ATRN: variants seen among roughly 807,000 people sequenced by gnomAD.
ATRN encodes the protein attractin-2.
ATRN carries 54 observed loss-of-function variants against 178.7 expected under a neutral mutation model. The observed-to-expected ratio is 0.30, with a 90% CI of 0.24 to 0.38. ATRN has a LOEUF of 0.38. Ranked by LOEUF, ATRN falls within the 10% of genes least tolerant of loss-of-function variation. The pLI, the probability that ATRN is intolerant of heterozygous loss-of-function variation, is 1.00. For missense variants in ATRN, 1,443 were observed against 1,815.1 expected (o/e 0.79, Z 3.73); for synonymous variants, 636 against 663.0 (o/e 0.96, Z 0.63).
At chr20:3,520,007 A>G (rs938428184) in intron 1 of ATRN, among the ~76,000 whole-genome samples, 8 of 152,250 alleles carry the variant, frequency 5.3e-5, no homozygotes, top group African/African-American at 1.9e-4. Context: ...TAAATGAAGC[A>G]GAACAGAGAC....
intron 21 of ATRN, among the ~76,000 whole-genome samples, chr20:3,597,130 G>A (rs982821881): frequency 6.8e-6 from 1 of 146,650 alleles, no homozygotes; most frequent in Admixed American, 6.9e-5. Flanking sequence ...GGGAAAAGTT[G>A]TTAGATAGGA....
chr20:3,522,946 G>A (rs1489986205), intron 1 of ATRN, among the ~76,000 whole-genome samples: 4 of 151,986 alleles, frequency 2.6e-5, no homozygotes, highest in African/African-American at 4.8e-5. Context: ...ATAAATCCAC[G>A]AAGATAAAGA....
intron 1 of ATRN, among the ~76,000 whole-genome samples, chr20:3,526,209 A>G (rs1279192508): frequency 6.6e-6 from 1 of 152,224 alleles, no homozygotes; most frequent in Non-Finnish European, 1.5e-5. Flanking sequence ...AAGTCTCAGG[A>G]TACAAAATCA....
intron 15 of ATRN, among the ~76,000 whole-genome samples, chr20:3,580,633 T>C (rs554702266): frequency 9.8e-5 from 15 of 152,296 alleles, no homozygotes; most frequent in Non-Finnish European, 1.9e-4. Context: ...AAGGGCTTTC[T>C]GTGATTTAAT....
chr20:3,606,427 TTC>T (rs1355772881), intron 24 of ATRN, among the ~76,000 whole-genome samples: 1 of 45,766 alleles, frequency 2.2e-5, no homozygotes, highest in Non-Finnish European at 4.1e-5. Flanking sequence ...CCTGGTCCTT[TTC>T]TCTCTTCACT....
intron 22 of ATRN, among the ~76,000 whole-genome samples, chr20:3,599,831 G>C (rs1452346344): frequency 6.6e-6 from 1 of 152,210 alleles, no homozygotes; most frequent in Admixed American, 6.5e-5. Flanking sequence ...CACTTGAGCT[G>C]TCCTTTCAAG....
chr20:3,624,624 C>T (rs1454549398), intron 25 of ATRN, 52 bp downstream of exon 25: 1 of 1,362,812 alleles, frequency 7.3e-7, no homozygotes, highest in Non-Finnish European at 1.0e-6. Context: ...GGCACTAGAT[C>T]CATTAATAGA....
rs238734 is a variant in ATRN at position 3,477,499 on chromosome 20, T to C, written c.410+5982T>C. 4.9e-3 allele frequency among the ~76,000 whole-genome samples: 23 copies of C among 4,658 alleles called. 1 individual carries two copies. Among genetic ancestry groups the C allele is most frequent in the African/African-American group, 0.02 (11 of 550 alleles). 3.1% of individuals were successfully genotyped at this position (4,658 alleles called of 152,430 possible). A position where few individuals can be genotyped will look rare whatever the true frequency, so the allele number is the denominator to read the frequency against. The stretch of plus-strand genomic sequence containing the variant: ...TGTAAGTTCCATGAGGGCAGGGGCC[T>C]GGAGCATAGTTCACAAGTCCAGTTT... On this transcript the variant is annotated intron_variant, in intron 1 of 28. Transcript: ENST00000262919.
chr20:3,621,482 T>C lies in ATRN; in HGVS notation c.3802-3029T>C, dbSNP rs185602022. ...ATGGGGCAGATACACCTTAGACATA[T>C]TGATGAAAGTGGAGTTGGAATTGGG... is the stretch of plus-strand genomic sequence containing the variant. On this transcript the variant is annotated intron_variant, in intron 24 of 28. Transcript: ENST00000262919. 3.8e-3 allele frequency among the ~76,000 whole-genome samples: 580 copies of C among 152,242 alleles called. 3 individuals are homozygous for C. Among genetic ancestry groups the C allele is most frequent in the African/African-American group, 0.013 (541 of 41,524 alleles).
intron 24 of ATRN, among the ~76,000 whole-genome samples, chr20:3,605,133 G>C (rs2086660977): frequency 6.6e-6 from 1 of 152,092 alleles, no homozygotes; most frequent in African/African-American, 2.4e-5. Context: ...TCAGAAGCAA[G>C]TCACCACAAA....
intron 24 of ATRN, among the ~76,000 whole-genome samples, chr20:3,604,878 C>T (rs928540024): frequency 9.2e-5 from 14 of 152,178 alleles, no homozygotes; most frequent in African/African-American, 3.4e-4. Context: ...CTGCTCCTTT[C>T]CTCTGTTCCC....
In ATRN at chr20:3,598,080, C is replaced by T. The variant is rs1220619930; in HGVS notation, c.3564+80C>T. The T allele has an allele frequency of 5.6e-6, 5 of 900,054 alleles. No individual in the cohort carries two copies. In the African/African-American group the frequency reaches 8.2e-5, roughly 15 times the overall value. The allele number at this position is 900,054 out of a possible 1,614,324, so 55.8% of individuals were successfully genotyped here. On this transcript the variant is annotated intron_variant, in intron 22 of 28. Coordinates refer to ENST00000262919, the MANE Select transcript of ATRN (RefSeq NM_139321.3). ...TTGGTCATTACGGATGGACGTACTG[C>T]CTTAACAGTGCTCTCCAGACTGGAG...
chr20:3,510,455 T>G (rs558124953), intron 1 of ATRN, among the ~76,000 whole-genome samples: 1 of 152,398 alleles, frequency 6.6e-6, no homozygotes, highest in East Asian at 1.9e-4. Flanking sequence ...CAGGCCTGAT[T>G]TGGCCTGGCA....
At chr20:3,612,170 A>G (rs937449584) in intron 24 of ATRN, among the ~76,000 whole-genome samples, 1 of 152,240 alleles carries the variant, frequency 6.6e-6, no homozygotes, top group African/African-American at 2.4e-5. Context: ...CCATGGCCTA[A>G]TACCCAGCAA....
At chr20:3,533,883 C>T (rs937507911) in intron 1 of ATRN, among the ~76,000 whole-genome samples, 26 of 152,160 alleles carry the variant, frequency 1.7e-4, no homozygotes, top group African/African-American at 6.0e-4. Flanking sequence ...ATCTTGAACT[C>T]ATGGCCTCAA....
intron 17 of ATRN, 21 bp downstream of exon 17, chr20:3,584,104 T>C: frequency 6.2e-7 from 1 of 1,610,556 alleles, no homozygotes; most frequent in South Asian, 1.1e-5. Context: ...AAGGGAGCCC[T>C]AGGCACTTAT....
intron 1 of ATRN, among the ~76,000 whole-genome samples, chr20:3,523,770 C>T (rs2085327313): frequency 1.3e-5 from 2 of 152,148 alleles, no homozygotes. Context: ...ATTCAACATT[C>T]TTAAAGAAAA....
At chr20:3,490,315 G>T (rs139674725) in intron 1 of ATRN, 6 of 1,020,216 alleles carry the variant, frequency 5.9e-6, no homozygotes, top group Middle Eastern at 5.8e-4. Context: ...GGGTCAGAGC[G>T]CTGCTTGTCT....
intron 26 of ATRN, among the ~76,000 whole-genome samples, chr20:3,637,466 T>C (rs1377668475): frequency 6.6e-6 from 1 of 152,138 alleles, no homozygotes; most frequent in African/African-American, 2.4e-5. Context: ...AATGTAAGAA[T>C]GTTGGTATTT....
Sources: allele counts gnomAD v4.1 joint callset (sites outside exome capture counted in the v4.1 genomes callset), GRCh38; gene constraint gnomAD v4.1.1; transcripts MANE v1.5; gene names NCBI Gene and HGNC (gene_info 2026-07-23, HGNC 2026-07-21).